The following ZNF98 variants were observed in gnomAD, a reference collection of about 807,000 sequenced individuals.
ZNF98 encodes zinc finger protein 739.
ZNF98 carries 8 observed loss-of-function variants against 12.8 expected under a neutral mutation model. That is an observed-to-expected ratio of 0.63 (90% confidence interval 0.37 to 1.13). The LOEUF is 1.13. ZNF98 is among the 50% of genes most tolerant of loss of function. The probability of loss-of-function intolerance (pLI) is 0.01; values close to 1 mark genes in which losing one functional copy is unlikely to be tolerated. For missense variants in ZNF98, 379 were observed against 666.1 expected, an observed-to-expected ratio of 0.57 and a Z score of 4.74; for synonymous variants, 112 against 223.5, an observed-to-expected ratio of 0.50 and a Z score of 4.45.
chr19:22,406,527 A>C (rs1330275636), intron 1 of ZNF98, among the ~76,000 whole-genome samples: 1 of 152,182 alleles, frequency 6.6e-6, no homozygotes, highest in Non-Finnish European at 1.5e-5. Context: ...TTAATGAAAA[A>C]AACGCTGAAG....
intron 1 of ZNF98, among the ~76,000 whole-genome samples, chr19:22,412,258 A>G (rs1424022169): frequency 6.6e-6 from 1 of 152,210 alleles, no homozygotes; most frequent in African/African-American, 2.4e-5. Flanking sequence ...AAGTAATTCA[A>G]TACAAAGAAA....
rs571649137 is a variant in ZNF98, at chr19:22,397,593, C to T, written c.254-4612G>A. On this transcript the variant is annotated intron_variant, in intron 3 of 3. Transcript: ENST00000357774. ...TCACCAAAATGAAATGAGTATACAA[C>T]GAGAAAAAAAATCTGAAAAATTAAC... is the stretch of plus-strand genomic sequence containing the variant. Among the ~76,000 whole-genome samples the T allele has an allele frequency of 2.5e-3, 369 of 147,824 alleles. 2 individuals carry two copies. Among genetic ancestry groups the T allele is most frequent in the African/African-American group, 8.6e-3 (345 of 39,966 alleles).
intron 1 of ZNF98, among the ~76,000 whole-genome samples, chr19:22,417,610 G>C (rs1160459649): frequency 6.6e-6 from 1 of 152,132 alleles, no homozygotes; most frequent in African/African-American, 2.4e-5. Flanking sequence ...ATGAGATTAT[G>C]AACAGGTGGT....
intron 1 of ZNF98, among the ~76,000 whole-genome samples, chr19:22,406,674 G>A (rs1213134193): frequency 5.9e-5 from 9 of 151,952 alleles, no homozygotes; most frequent in Non-Finnish European, 8.8e-5. Context: ...AAAATTAGCC[G>A]GGCATGGTAG....
At position 22,396,947 on chromosome 19, in the gene ZNF98, C is replaced by T. The variant is rs1041641994; in HGVS notation, c.254-3966G>A. ...ACTGGCCTGGCCAACATGGTGAAAC[C>T]GACTCTACTAAAAATACAAAAATTA... On this transcript the variant is annotated intron_variant, in intron 3 of 3. Coordinates refer to ENST00000357774, the MANE Select transcript of ZNF98 (RefSeq NM_001098626.2). Among the ~76,000 whole-genome samples the T allele has an allele frequency of 4.6e-5, 7 of 151,776 alleles. No individual in the cohort carries two copies. The East Asian group carries it at 9.6e-4, about 21-fold the overall frequency.
At chr19:22,406,991 A>G (rs1278563846) in intron 1 of ZNF98, among the ~76,000 whole-genome samples, 1 of 152,112 alleles carries the variant, frequency 6.6e-6, no homozygotes, top group African/African-American at 2.4e-5. Context: ...ACTGAGCTAA[A>G]GGAGCATGTT....
At chr19:22,395,730 TCA>T (rs1054777029) in intron 3 of ZNF98, among the ~76,000 whole-genome samples, 1 of 152,086 alleles carries the variant, frequency 6.6e-6, no homozygotes, top group Non-Finnish European at 1.5e-5. Flanking sequence ...TTTTCAAAAA[TCA>T]CAGACAGGAA....
intron 3 of ZNF98, among the ~76,000 whole-genome samples, chr19:22,398,486 C>A (rs1424083042): frequency 6.6e-6 from 1 of 151,348 alleles, no homozygotes; most frequent in Non-Finnish European, 1.5e-5. Flanking sequence ...CCTCCTCAAT[C>A]TCCCAAGTAG....
chr19:22,396,470 C>A (rs1969395713), intron 3 of ZNF98, among the ~76,000 whole-genome samples: 1 of 151,878 alleles, frequency 6.6e-6, no homozygotes, highest in South Asian at 2.1e-4. Flanking sequence ...AAATGAGAAA[C>A]AAAGATGCAA....
At chr19:22,406,924 A>G (rs913958904) in intron 1 of ZNF98, among the ~76,000 whole-genome samples, 1 of 152,164 alleles carries the variant, frequency 6.6e-6, no homozygotes, top group African/African-American at 2.4e-5. Context: ...CTGGATGGAG[A>G]ATAAGATAGA....
At chr19:22,422,083 G>T in intron 1 of ZNF98, 112 bp downstream of exon 1, 1 of 1,355,100 alleles carries the variant, frequency 7.4e-7, no homozygotes, top group Non-Finnish European at 1.1e-6. Context: ...AGAACTAGGG[G>T]CACGGATTGT....
rs1320044134 is a variant in ZNF98 at position 22,403,510 on chromosome 19, T to C, written c.33A>G (p.Gly11=). The C allele has an allele frequency of 6.3e-7, 1 of 1,592,674 alleles. No homozygotes were observed. The highest frequency in any genetic ancestry group is 8.5e-7 in the Non-Finnish European group (1 of 1,174,290). The part of the protein sequence containing the change: MPGPLGSLEM[G]VLTFRDVALE... ...AGGCCACATCCCTAAATGTCAACAC[T>C]CCCTGAAAAACATACAAACACACAT... The change falls in exon 2 of 4, where the codon GGA becomes GGG. Residue 11 remains glycine (G), a splice_region_variant and synonymous_variant. Coordinates refer to ENST00000357774, the MANE Select transcript of ZNF98 (RefSeq NM_001098626.2).
intron 3 of ZNF98, among the ~76,000 whole-genome samples, chr19:22,400,497 A>G (rs1320247027): frequency 1.3e-5 from 2 of 151,574 alleles, no homozygotes; most frequent in African/African-American, 4.8e-5. Flanking sequence ...GGGAATTACA[A>G]CTACCTAAGC....
intron 1 of ZNF98, among the ~76,000 whole-genome samples, chr19:22,413,823 G>T (rs10417380): frequency 0.43 from 62,401 of 145,844 alleles, 13,574 homozygotes; most frequent in Non-Finnish European, 0.46. Context: ...GAGCAGAGAT[G>T]GTGCCATTGC....
chr19:22,422,336 G>T lies in ZNF98; in HGVS notation c.-112C>A. On this transcript the variant is annotated 5_prime_UTR_variant, in exon 1 of 4. Coordinates refer to ENST00000357774, the MANE Select transcript of ZNF98 (RefSeq NM_001098626.2). Reference sequence around the variant, plus strand: ...AGACCAGGAACTCCGGCTGCAGCGAGAGACAAAGACCCCGCCACATCCCGG... The same window carrying T: ...AGACCAGGAACTCCGGCTGCAGCGATAGACAAAGACCCCGCCACATCCCGG... The T allele has an allele frequency of 7.4e-7, 1 of 1,346,888 alleles. No individual in the cohort carries two copies. Among genetic ancestry groups the T allele is most frequent in the South Asian group, 1.2e-5 (1 of 85,644 alleles). The allele number at this position is 1,346,888 out of a possible 1,614,324, so 83.4% of individuals were successfully genotyped here.
At chr19:22,394,386 C>T (rs1969366503) in intron 3 of ZNF98, among the ~76,000 whole-genome samples, 2 of 152,128 alleles carry the variant, frequency 1.3e-5, no homozygotes, top group South Asian at 2.1e-4. Context: ...CACATGCACA[C>T]GTACATTTAT....
At position 22,403,465 on chromosome 19, in the gene ZNF98, C is replaced by G. The variant is rs757278030; in HGVS notation, c.78G>C (p.Glu26Asp). 10 of 1,610,400 alleles carry G rather than the reference C, an allele frequency of 6.2e-6. No individual in the cohort carries two copies. In the South Asian group the frequency reaches 1.1e-4, roughly 18 times the overall value. The change falls in exon 2 of 4, where the codon GAG becomes GAC. Residue 26 changes from glutamate (E) to aspartate (D), a missense_variant. Physicochemically the swap from Glu to Asp is conservative, Grantham distance 45. Transcript: ENST00000357774. ...GCTGTGCGGTGTCCAGGCATTGCCA[C>G]TCCTCCAGAGAGAATTCTAAGGCCA... The part of the protein sequence containing the change: ...RDVALEFSLE[E>D]WQCLDTAQQN...
rs560672195 is a variant in ZNF98, at chr19:22,406,780, G to A, written c.31-3268C>T. ...TGCAGTGAGCTGAGATCGCGCCACTGCACTCCAGCCTGGGCAACAGAGCAA... is the reference window on the plus strand; with the variant it reads ...TGCAGTGAGCTGAGATCGCGCCACTACACTCCAGCCTGGGCAACAGAGCAA... On this transcript the variant is annotated intron_variant, in intron 1 of 3. Coordinates refer to ENST00000357774, the MANE Select transcript of ZNF98 (RefSeq NM_001098626.2). 1.7e-4 allele frequency among the ~76,000 whole-genome samples: 26 copies of A among 151,500 alleles called. No individual in the cohort carries two copies. In the East Asian group the frequency reaches 4.6e-3, roughly 27 times the overall value.
chr19:22,392,934 T>G lies in ZNF98; in HGVS notation c.301A>C (p.Lys101Gln). ...AQDLWPKQGK[K>Q]NYFQKVILRT... ...AGTATCACTTTTTGGAAATAATTTTTTTTGCCCTGCTTTGGCCAAAGGTCT... is the reference window on the plus strand; with the variant it reads ...AGTATCACTTTTTGGAAATAATTTTGTTTGCCCTGCTTTGGCCAAAGGTCT... Residue 101 changes from lysine (K) to glutamine (Q), a missense_variant, in exon 4 of 4, where the codon AAA becomes CAA. Coordinates refer to ENST00000357774, the MANE Select transcript of ZNF98 (RefSeq NM_001098626.2). 2 of 1,576,882 alleles carry G rather than the reference T, an allele frequency of 1.3e-6. No individual in the cohort carries two copies. Among genetic ancestry groups the G allele is most frequent in the Non-Finnish European group, 8.6e-7 (1 of 1,166,142 alleles).
Sources: allele counts gnomAD v4.1 joint callset (sites outside exome capture counted in the v4.1 genomes callset), GRCh38; gene constraint gnomAD v4.1.1; transcripts MANE v1.5; gene names NCBI Gene and HGNC (gene_info 2026-07-23, HGNC 2026-07-21).